PBX1: variants seen among roughly 807,000 people sequenced by gnomAD.
PBX1 encodes the protein pre-B-cell leukemia transcription factor 1.
Under a neutral mutation model 53.4 loss-of-function variants are expected in PBX1, and 6 were observed. That is an observed-to-expected ratio of 0.11 (90% CI 0.06 to 0.22). The LOEUF (loss-of-function observed/expected upper bound fraction) is 0.22. PBX1 is among the 10% of genes least tolerant of loss of function. PBX1 has a pLI of 1.00. For missense variants in PBX1, 251 were observed against 551.4 expected (o/e 0.46, Z 5.46); for synonymous variants, 204 against 212.3 (o/e 0.96, Z 0.34).
At chr1:164,881,593 A>G (rs1480087247) in intron 2 of PBX1, among the ~76,000 whole-genome samples, 1 of 94,378 alleles carries the variant, frequency 1.1e-5, no homozygotes, top group Admixed American at 8.9e-5. Context: ...GGAAGGGAGG[A>G]AGGAAAGGAA....
intron 2 of PBX1, among the ~76,000 whole-genome samples, chr1:164,877,859 C>T (rs1268568817): frequency 6.6e-6 from 1 of 152,150 alleles, no homozygotes; most frequent in Non-Finnish European, 1.5e-5. Flanking sequence ...CAAAAGTTTG[C>T]TTCTTTGTAA....
At chr1:164,626,166 T>G (rs1378792457) in intron 2 of PBX1, 2 of 925,022 alleles carry the variant, frequency 2.2e-6, no homozygotes, top group Non-Finnish European at 2.6e-6. Flanking sequence ...GCCTTCCCCC[T>G]TTTATCTTTA....
intron 2 of PBX1, among the ~76,000 whole-genome samples, chr1:164,591,822 A>T (rs922393053): frequency 1.3e-5 from 2 of 152,176 alleles, no homozygotes; most frequent in African/African-American, 4.8e-5. Context: ...TAACTTGGTG[A>T]TAGTGTCTGC....
intron 2 of PBX1, among the ~76,000 whole-genome samples, chr1:164,727,877 G>A (rs1037872955): frequency 6.6e-6 from 1 of 152,212 alleles, no homozygotes; most frequent in Non-Finnish European, 1.5e-5. Flanking sequence ...GTCTGAGTGG[G>A]AGGTTCTTAA....
chr1:164,648,485 G>C (rs1029139304), intron 2 of PBX1, among the ~76,000 whole-genome samples: 1 of 152,186 alleles, frequency 6.6e-6, no homozygotes, highest in African/African-American at 2.4e-5. Flanking sequence ...ATCACACTTA[G>C]GATATTTTAC....
intron 2 of PBX1, among the ~76,000 whole-genome samples, chr1:164,857,213 C>G (rs1341270024): frequency 6.6e-6 from 1 of 152,142 alleles, no homozygotes; most frequent in Admixed American, 6.5e-5. Flanking sequence ...ATGACTCCCT[C>G]CTCAAATTCA....
intron 2 of PBX1, among the ~76,000 whole-genome samples, chr1:164,620,251 T>C (rs1657582036): frequency 6.6e-6 from 1 of 152,166 alleles, no homozygotes; most frequent in African/African-American, 2.4e-5. Flanking sequence ...TAAGGTACTT[T>C]AAAAACACCA....
intron 2 of PBX1, among the ~76,000 whole-genome samples, chr1:164,640,037 G>T (rs1013112095): frequency 6.6e-6 from 1 of 152,130 alleles, no homozygotes; most frequent in African/African-American, 2.4e-5. Context: ...AGCCAGAGGG[G>T]CTGGAGTAGG....
At chr1:164,782,259 C>G (rs893310158) in intron 2 of PBX1, among the ~76,000 whole-genome samples, 1 of 152,174 alleles carries the variant, frequency 6.6e-6, no homozygotes, top group Admixed American at 6.5e-5. Flanking sequence ...TGTTGCCCTA[C>G]TCTAGGCTAC....
intron 2 of PBX1, among the ~76,000 whole-genome samples, chr1:164,792,026 T>C (rs1668538108): frequency 6.6e-6 from 1 of 152,154 alleles, no homozygotes; most frequent in Non-Finnish European, 1.5e-5. Flanking sequence ...GGTTTCACCA[T>C]GTTTGCCAGG....
At chr1:164,591,398 T>A (rs575116222) in intron 2 of PBX1, among the ~76,000 whole-genome samples, 195 of 152,318 alleles carry the variant, frequency 1.3e-3, no homozygotes, top group Non-Finnish European at 2.3e-3. Flanking sequence ...TCTTTGATAA[T>A]GTGGATTCTA....
Position 164,820,172 on chromosome 1 carries a change from C to A in PBX1, c.1098C>A (p.Asn366Lys). ...DSYQGAQVGA[N>K]VQSQVDTLRH... ...ACCAAGGGGCCCAGGTTGGAGCCAA[C>A]GTGCAATCACAGGTAGGGACCCAGC... is the stretch of plus-strand genomic sequence containing the variant. The change falls in exon 7 of 9, where the codon AAC becomes AAA. Residue 366 changes from asparagine (N) to lysine (K), a missense_variant. By Grantham distance (94) the Asn-to-Lys change is moderately conservative (BLOSUM62 0). This residue lies in a region of PBX1 where 92 missense variants were observed against 130.4 expected (regional missense o/e 0.71). Coordinates refer to ENST00000420696, the MANE Select transcript of PBX1 (RefSeq NM_002585.4). The A allele has an allele frequency of 6.2e-7, 1 of 1,605,422 alleles. No individual in the cohort carries two copies. The highest frequency in any genetic ancestry group is 8.5e-7 in the Non-Finnish European group (1 of 1,172,186).
intron 2 of PBX1, among the ~76,000 whole-genome samples, chr1:164,584,653 G>A (rs1352350987): frequency 1.3e-5 from 2 of 152,126 alleles, no homozygotes; most frequent in South Asian, 2.1e-4. Flanking sequence ...GTATCATGGA[G>A]TAGATGGGGG....
At chr1:164,838,967 T>C (rs9803668) in intron 8 of PBX1, among the ~76,000 whole-genome samples, 56,640 of 152,074 alleles carry the variant, frequency 0.37, 11,272 homozygotes, top group African/African-American at 0.51. Context: ...AATATCAAAG[T>C]GCTTCATGTA....
chr1:164,760,231 A>G (rs752452031), intron 2 of PBX1, among the ~76,000 whole-genome samples: 2 of 152,204 alleles, frequency 1.3e-5, no homozygotes, highest in Non-Finnish European at 2.9e-5. Flanking sequence ...TAACCGAATC[A>G]GAATGAGCAG....
intron 2 of PBX1, chr1:164,787,554 A>G (rs1442793530): frequency 6.6e-6 from 1 of 152,208 alleles, no homozygotes; most frequent in Non-Finnish European, 1.5e-5. Context: ...AGGACAAAAC[A>G]ACCCGCCACA....
At chr1:164,748,457 G>A (rs1666019187) in intron 2 of PBX1, among the ~76,000 whole-genome samples, 1 of 152,124 alleles carries the variant, frequency 6.6e-6, no homozygotes, top group South Asian at 2.1e-4. Flanking sequence ...GTTGCCTAAG[G>A]TCAGCTTAAC....
chr1:164,651,835 C>T (rs1027254840), intron 2 of PBX1: 2 of 152,350 alleles, frequency 1.3e-5, no homozygotes, highest in Admixed American at 6.6e-5. Flanking sequence ...GCTTTTTCCT[C>T]GTTGTCTGGT....
intron 2 of PBX1, among the ~76,000 whole-genome samples, chr1:164,861,775 A>G (rs1672104401): frequency 6.6e-6 from 1 of 152,210 alleles, no homozygotes; most frequent in Non-Finnish European, 1.5e-5. Context: ...AGGAATAAGG[A>G]AATAAACCAT....
Sources: allele counts gnomAD v4.1 joint callset (sites outside exome capture counted in the v4.1 genomes callset), GRCh38; gene constraint gnomAD v4.1.1; regional missense constraint gnomAD v4.1.1; transcripts MANE v1.5; gene names NCBI Gene and HGNC (gene_info 2026-07-23, HGNC 2026-07-21).